The following MGAT4C variants were observed in gnomAD, a reference collection of about 807,000 sequenced individuals.
MGAT4C encodes alpha-1,3-mannosyl-glycoprotein 4-beta-N-acetylglucosaminyltransferase C.
A neutral mutation model predicts 40.1 loss-of-function variants in MGAT4C; 19 were observed. The ratio of observed to expected loss-of-function variants is 0.47; its 90% confidence interval spans 0.33 to 0.70. The LOEUF (loss-of-function observed/expected upper bound fraction) is 0.70, where lower values mean the gene tolerates loss of function less well. Among genes scored for constraint, MGAT4C ranks in the 30% least tolerant of loss-of-function variants. The pLI is 0.02. For missense variants in MGAT4C, 491 were observed against 563.2 expected, an observed-to-expected ratio of 0.87 and a Z score of 1.30; for synonymous variants, 181 against 187.1, an observed-to-expected ratio of 0.97 and a Z score of 0.27.
chr12:86,676,121 G>T (rs1964393810), intron 2 of MGAT4C, among the ~76,000 whole-genome samples: 1 of 152,120 alleles, frequency 6.6e-6, no homozygotes. Context: ...CAACCTGTGG[G>T]AGAAGGTGAT....
intron 3 of MGAT4C, among the ~76,000 whole-genome samples, chr12:86,430,592 G>T (rs904839033): frequency 6.6e-6 from 1 of 152,104 alleles, no homozygotes; most frequent in African/African-American, 2.4e-5. Flanking sequence ...AAGTGGAGTT[G>T]CTGGGTGAGT....
chr12:86,360,953 T>C lies in MGAT4C; in HGVS notation c.-119-26826A>G, dbSNP rs896468172. Among the ~76,000 whole-genome samples, 9 of 152,254 alleles carry C rather than the reference T, an allele frequency of 5.9e-5. No individual in the cohort carries two copies. In the South Asian group the frequency reaches 1.9e-3, roughly 32 times the overall value. ...TTCAATGCCATCCCCATCAAGCTAC[T>C]GATGACTTTCTTCACAGAATTGGAA... On this transcript the variant is annotated intron_variant, in intron 3 of 7. Coordinates refer to the MGAT4C transcript ENST00000548651.
chr12:86,152,096 C>T (rs927796052), intron 1 of MGAT4C, among the ~76,000 whole-genome samples: 7 of 152,234 alleles, frequency 4.6e-5, no homozygotes, highest in Non-Finnish European at 8.8e-5. Context: ...TCTAACACCT[C>T]CATCCCCGCT....
intron 1 of MGAT4C, among the ~76,000 whole-genome samples, chr12:86,052,631 C>G (rs965972829): frequency 6.6e-6 from 1 of 151,760 alleles, no homozygotes; most frequent in African/African-American, 2.4e-5. Flanking sequence ...ATTGGGAACA[C>G]AAAACATGAA....
chr12:86,550,678 A>G (rs1959306778), intron 2 of MGAT4C, among the ~76,000 whole-genome samples: 1 of 151,878 alleles, frequency 6.6e-6, no homozygotes, highest in Non-Finnish European at 1.5e-5. Context: ...CCTGCAGAGC[A>G]GGGAAACTAA....
chr12:86,008,339 G>A (rs1401435847), intron 2 of MGAT4C, among the ~76,000 whole-genome samples: 1 of 151,780 alleles, frequency 6.6e-6, no homozygotes, highest in Non-Finnish European at 1.5e-5. Flanking sequence ...CTGAGCAATG[G>A]TTTTATTTTT....
chr12:86,738,755 A>G (rs535622571), intron 1 of MGAT4C, among the ~76,000 whole-genome samples: 27 of 151,392 alleles, frequency 1.8e-4, no homozygotes, highest in African/African-American at 6.5e-4. Flanking sequence ...AATTGTAAAA[A>G]TAAATTAAGT....
intron 1 of MGAT4C, among the ~76,000 whole-genome samples, chr12:86,732,933 G>A (rs1215196559): frequency 6.6e-6 from 1 of 151,824 alleles, no homozygotes; most frequent in Non-Finnish European, 1.5e-5. Context: ...TTAACATGTG[G>A]TCCTTTTCCC....
At chr12:86,830,985 C>T (rs1952915676) in intron 1 of MGAT4C, among the ~76,000 whole-genome samples, 1 of 151,790 alleles carries the variant, frequency 6.6e-6, no homozygotes, top group African/African-American at 2.4e-5. Context: ...CAACTGATCT[C>T]AAGGTCAAAG....
chr12:86,811,336 ATTTTTTTTTTT>A (rs553885593), intron 1 of MGAT4C, among the ~76,000 whole-genome samples: 1 of 106,946 alleles, frequency 9.4e-6, no homozygotes, highest in Non-Finnish European at 2.0e-5. Flanking sequence ...CACTCATAGT[ATTTTTTTTTTT>A]TTTTTTTTTT....
At chr12:86,030,416 T>C (rs964022431) in intron 2 of MGAT4C, among the ~76,000 whole-genome samples, 3 of 151,728 alleles carry the variant, frequency 2.0e-5, no homozygotes, top group Admixed American at 6.6e-5. Flanking sequence ...TTAGTGAGTA[T>C]GACTACATGT....
intron 4 of MGAT4C, among the ~76,000 whole-genome samples, chr12:86,263,413 C>G (rs148436989): frequency 2.6e-5 from 4 of 152,228 alleles, no homozygotes; most frequent in African/African-American, 9.6e-5. Flanking sequence ...CCACTTATGA[C>G]TGAGAATACA....
chr12:86,792,817 A>G (rs1422802197), intron 1 of MGAT4C, among the ~76,000 whole-genome samples: 3 of 151,980 alleles, frequency 2.0e-5, no homozygotes, highest in African/African-American at 7.2e-5. Context: ...TGTAATCCCA[A>G]CTACCCGGGA....
intron 1 of MGAT4C, among the ~76,000 whole-genome samples, chr12:86,180,361 A>G (rs1472924142): frequency 1.3e-5 from 2 of 152,238 alleles, no homozygotes; most frequent in African/African-American, 4.8e-5. Flanking sequence ...TCGGATCCCC[A>G]CATAGAGTCC....
intron 1 of MGAT4C, among the ~76,000 whole-genome samples, chr12:86,187,459 A>ACC (rs1447647472): frequency 1.3e-4 from 20 of 152,158 alleles, no homozygotes; most frequent in Admixed American, 4.6e-4. Context: ...CAGGGTCTTC[A>ACC]TTACCCTTTG....
rs1883096799 is a variant in MGAT4C, at chr12:85,961,249, C to T, written c.*18040G>A. The T allele has an allele frequency of 1.3e-5, 2 of 151,848 alleles. No homozygotes were observed. Among genetic ancestry groups the T allele is most frequent in the African/African-American group, 4.8e-5 (2 of 41,414 alleles). The allele number at this position is 151,848 out of a possible 1,614,324, so 9.4% of individuals were successfully genotyped here. A position where few individuals can be genotyped will look rare whatever the true frequency, so the allele number is the denominator to read the frequency against. ...TGGGCATTGTTTAGCAGCCTCGAAACACTGAACTTTTTACAGTCTTATTGG... is the reference window on the plus strand; with the variant it reads ...TGGGCATTGTTTAGCAGCCTCGAAATACTGAACTTTTTACAGTCTTATTGG... On this transcript the variant is annotated 3_prime_UTR_variant, in exon 5 of 5. Transcript: ENST00000611864.
At chr12:86,503,857 G>T (rs1958421284) in intron 2 of MGAT4C, among the ~76,000 whole-genome samples, 1 of 126,898 alleles carries the variant, frequency 7.9e-6, no homozygotes, top group Admixed American at 8.6e-5. Context: ...CAAACTTAAA[G>T]CTTCCCTAAA....
intron 2 of MGAT4C, among the ~76,000 whole-genome samples, chr12:86,674,015 T>C (rs915699500): frequency 1.3e-5 from 2 of 152,078 alleles, no homozygotes; most frequent in Non-Finnish European, 2.9e-5. Flanking sequence ...CTTGCCTTTA[T>C]TACATTTAAA....
chr12:86,252,294 A>G (rs11103900), intron 1 of MGAT4C, among the ~76,000 whole-genome samples: 1,711 of 152,156 alleles, frequency 0.011, 20 homozygotes, highest in Non-Finnish European at 0.018. Context: ...GTTCAGGGCT[A>G]TTGTTTTATT....
Sources: allele counts gnomAD v4.1 joint callset (sites outside exome capture counted in the v4.1 genomes callset), GRCh38; gene constraint gnomAD v4.1.1; transcripts MANE v1.5; gene names NCBI Gene and HGNC (gene_info 2026-07-23, HGNC 2026-07-21).